Variants in ALMS1 observed in about 807,000 individuals in gnomAD.
The protein encoded by ALMS1 is centrosome-associated protein ALMS1.
Under a neutral mutation model 352.2 loss-of-function variants are expected in ALMS1, and 271 were observed. That is an observed-to-expected ratio of 0.77 (90% confidence interval 0.70 to 0.85). The LOEUF is 0.85. ALMS1 is among the 40% of genes least tolerant of loss of function. ALMS1 has a pLI of 0.00. For missense variants in ALMS1, 5,445 were observed against 4,870.7 expected, an observed-to-expected ratio of 1.12 and a Z score of -3.51; for synonymous variants, 1,865 against 1,761.2, an observed-to-expected ratio of 1.06 and a Z score of -1.48.
chr2:73,404,924 TTTTTTG>T, intron 1 of ALMS1, among the ~76,000 whole-genome samples: 1 of 130,382 alleles, frequency 7.7e-6, no homozygotes, highest in African/African-American at 3.3e-5. Context: ...TTTTTTTTTT[TTTTTTG>T]AGACAGGGTC....
intron 3 of ALMS1, among the ~76,000 whole-genome samples, chr2:73,421,369 A>AG (rs1156873046): frequency 6.6e-6 from 1 of 152,092 alleles, no homozygotes; most frequent in African/African-American, 2.4e-5. Flanking sequence ...ACTTGCCCAA[A>AG]GGTCCCCCTT....
At chr2:73,541,545 C>T (rs1300529039) in intron 12 of ALMS1, among the ~76,000 whole-genome samples, 1 of 152,144 alleles carries the variant, frequency 6.6e-6, no homozygotes, top group Non-Finnish European at 1.5e-5. Context: ...AATAGAGTCA[C>T]AAAATACCCT....
At chr2:73,441,442 A>G (rs1390933666) in intron 7 of ALMS1, among the ~76,000 whole-genome samples, 2 of 152,054 alleles carry the variant, frequency 1.3e-5, no homozygotes, top group African/African-American at 4.8e-5. Flanking sequence ...CTGGCACTAC[A>G]GTTCTGGTGG....
chr2:73,497,630 G>A (rs1419928723), intron 10 of ALMS1, among the ~76,000 whole-genome samples: 10 of 152,064 alleles, frequency 6.6e-5, no homozygotes, highest in Non-Finnish European at 8.8e-5. Flanking sequence ...AAAAATTGTC[G>A]TTGGTTGATG....
At chr2:73,576,921 C>A (rs922322550) in intron 16 of ALMS1, among the ~76,000 whole-genome samples, 8 of 151,998 alleles carry the variant, frequency 5.3e-5, no homozygotes, top group Non-Finnish European at 1.2e-4. Flanking sequence ...TTGTGCCTGG[C>A]CTGTTTTTTT....
At position 73,506,604 on chromosome 2, in the gene ALMS1, G is replaced by A. The variant is rs1246530304; in HGVS notation, c.9540-13171G>A. Among the ~76,000 whole-genome samples the A allele has an allele frequency of 2.6e-5, 4 of 152,150 alleles. No homozygotes were observed. The South Asian group carries it at 6.2e-4, about 24-fold the overall frequency. On this transcript the variant is annotated intron_variant, in intron 10 of 22. Coordinates refer to ENST00000613296, the MANE Select transcript of ALMS1 (RefSeq NM_001378454.1). ...CTCTCTATTATTGGTGTATAAGAAT[G>A]CTTGTGATTTTTGCACATTGATTTT...
chr2:73,601,015 G>A (rs2104194638), intron 18 of ALMS1, 134 bp downstream of exon 18: 2 of 1,398,302 alleles, frequency 1.4e-6, no homozygotes, highest in Non-Finnish European at 9.8e-7. Flanking sequence ...CAGGTTTTCA[G>A]AGTCCAGCAT....
chr2:73,512,227 G>A (rs1673467371), intron 10 of ALMS1, among the ~76,000 whole-genome samples: 1 of 152,094 alleles, frequency 6.6e-6, no homozygotes, highest in South Asian at 2.1e-4. Flanking sequence ...TGGGACTACA[G>A]GTGCGTACCA....
Position 73,534,915 on chromosome 2 carries a change from C to T in ALMS1, c.9873C>T (p.Ser3291=). The T allele has an allele frequency of 6.2e-7, 1 of 1,613,754 alleles. No individual in the cohort carries two copies. The highest frequency in any genetic ancestry group is 1.1e-5 in the South Asian group (1 of 91,066). The part of the protein sequence containing the change: ...QLRQIPPSPD[S]KSDTTVESSH... The stretch of plus-strand genomic sequence containing the variant: ...GACAAATTCCTCCATCTCCGGATTC[C>T]AAATCAGATACCACCGTTGAAAGCT... Residue 3291 remains serine (S), a synonymous_variant, in exon 12 of 23, where the codon TCC becomes TCT. Coordinates refer to ENST00000613296, the MANE Select transcript of ALMS1 (RefSeq NM_001378454.1).
chr2:73,555,684 T>C (rs550580896), intron 13 of ALMS1, among the ~76,000 whole-genome samples: 41 of 152,318 alleles, frequency 2.7e-4, no homozygotes, highest in African/African-American at 8.7e-4. Context: ...GGAGAAGATA[T>C]TTATAATGCA....
In ALMS1 at chr2:73,526,589, T is replaced by G. The variant is rs114914723; in HGVS notation, c.9781+6573T>G. On this transcript the variant is annotated intron_variant, in intron 11 of 22. Transcript: ENST00000613296. Reference sequence around the variant, plus strand: ...TTTTTAAATTTCCTTTTCACATTGTTCACTGTTGACATATAGAAATGTGAA... The same window carrying G: ...TTTTTAAATTTCCTTTTCACATTGTGCACTGTTGACATATAGAAATGTGAA... Among the ~76,000 whole-genome samples the G allele has an allele frequency of 6.0e-3, 921 of 152,314 alleles. 9 individuals are homozygous for G. The highest frequency in any genetic ancestry group is 0.021 in the African/African-American group (869 of 41,582).
intron 9 of ALMS1, among the ~76,000 whole-genome samples, chr2:73,466,499 G>C (rs28574733): frequency 0.52 from 58,274 of 112,870 alleles, 17,786 homozygotes; most frequent in East Asian, 0.8. Context: ...TGGGGGGAGG[G>C]GGGAGGGGGG....
rs768816557 is a variant in ALMS1, at chr2:73,450,887, G to C, written c.4360G>C (p.Glu1454Gln). ...TAGTCATCTACCTGAAGAGGCTTTGGAAGTTTCAGTTGCTCCTGGACCAGT... is the reference window on the plus strand; with the variant it reads ...TAGTCATCTACCTGAAGAGGCTTTGCAAGTTTCAGTTGCTCCTGGACCAGT... ...PHSHLPEEAL[E>Q]VSVAPGPVDQ... The change falls in exon 8 of 23, where the codon GAA becomes CAA. Residue 1454 changes from glutamate to glutamine, a missense_variant. Coordinates refer to ENST00000613296, the MANE Select transcript of ALMS1 (RefSeq NM_001378454.1). 5 of 1,613,278 alleles carry C rather than the reference G, an allele frequency of 3.1e-6. No homozygotes were observed. The Admixed American group carries it at 5.0e-5, about 16-fold the overall frequency.
At chr2:73,429,278 CTT>C (rs5832107) in intron 6 of ALMS1, among the ~76,000 whole-genome samples, 2,153 of 102,740 alleles carry the variant, frequency 0.021, 39 homozygotes, top group African/African-American at 0.084. Flanking sequence ...AATTAATATG[CTT>C]TTTTTTTTTT....
intron 12 of ALMS1, among the ~76,000 whole-genome samples, chr2:73,539,567 A>G (rs980416005): frequency 6.6e-6 from 1 of 152,198 alleles, no homozygotes; most frequent in East Asian, 1.9e-4. Flanking sequence ...TCAGATGATC[A>G]AACTACTCCG....
chr2:73,503,578 T>C (rs1227011393), intron 10 of ALMS1, among the ~76,000 whole-genome samples: 2 of 152,168 alleles, frequency 1.3e-5, no homozygotes, highest in Non-Finnish European at 1.5e-5. Flanking sequence ...TGTGTCTTTA[T>C]AGTAGAATGA....
chr2:73,415,546 CCTG>C (rs1261931663), intron 2 of ALMS1, among the ~76,000 whole-genome samples: 2 of 152,058 alleles, frequency 1.3e-5, no homozygotes, highest in African/African-American at 4.8e-5. Flanking sequence ...GTTCCTCTCT[CCTG>C]CTCTACAATT....
rs147248924 is a variant in ALMS1, at chr2:73,536,394, C to T, written c.9907+1445C>T. 5.5e-4 allele frequency among the ~76,000 whole-genome samples: 84 copies of T among 151,948 alleles called. 1 individual carries two copies. The highest frequency in any genetic ancestry group is 2.0e-3 in the African/African-American group (82 of 41,466). ...AAGAAAATGACTCAGGACTGGCACA[C>T]TGTATCCTGATAAATATAGTTTCTG... On this transcript the variant is annotated intron_variant, in intron 12 of 22. Transcript: ENST00000613296.
intron 7 of ALMS1, among the ~76,000 whole-genome samples, chr2:73,439,133 AATAAAG>A (rs1328579918): frequency 2.4e-5 from 3 of 125,366 alleles, no homozygotes; most frequent in Non-Finnish European, 4.8e-5. Context: ...TTTTTTTTTA[AATAAAG>A]ATAAAGTCTC....
Sources: allele counts gnomAD v4.1 joint callset (sites outside exome capture counted in the v4.1 genomes callset), GRCh38; gene constraint gnomAD v4.1.1; transcripts MANE v1.5; gene names NCBI Gene and HGNC (gene_info 2026-07-23, HGNC 2026-07-21).